The following ZMYM2 variants were observed in gnomAD, a reference collection of about 807,000 sequenced individuals.
The protein encoded by ZMYM2 is zinc finger MYM-type containing 2.
ZMYM2 carries 56 observed loss-of-function variants against 162.8 expected under a neutral mutation model. The observed-to-expected ratio is 0.34, with a 90% confidence interval of 0.28 to 0.43. ZMYM2 has a LOEUF of 0.43. Ranked by LOEUF, ZMYM2 falls within the 20% of genes least tolerant of loss-of-function variation. The probability of loss-of-function intolerance (pLI) is 1.00; values close to 1 mark genes in which losing one functional copy is unlikely to be tolerated. For synonymous variants in ZMYM2, 510 were observed against 541.6 expected (o/e 0.94, Z 0.81); for missense variants, 1,275 against 1,621.8 (o/e 0.79, Z 3.67).
chr13:20,006,232 TA>T (rs747053429), intron 5 of ZMYM2, 141 bp from the exon 6 acceptor site: 1,882 of 673,964 alleles, frequency 2.8e-3, no homozygotes, highest in East Asian at 0.021. Context: ...ACCCTGTCTT[TA>T]AAAAAAAAAA....
In ZMYM2 at chr13:19,993,220, C is replaced by A. The variant is rs770092326; in HGVS notation, c.148C>A (p.Gln50Lys). Residue 50 changes from glutamine (Q) to lysine (K), a missense_variant, in exon 3 of 25, where the codon CAG (glutamine) becomes AAG (lysine). Gln to Lys is a moderately conservative substitution (Grantham distance 53, BLOSUM62 1). Around this residue, in one of 10 missense-constraint regions of ZMYM2, gnomAD observed 295 missense variants for 286.7 expected, o/e 1.03. Transcript: ENST00000610343. ...TTTAGTGTCTAGATCTAATAAGTTT[C>A]AGAACTCGTCAGTGGAAGATGATGA... Reference protein sequence around the residue: ...NPLVSRSNKFQNSSVEDDDDV... With the variant: ...NPLVSRSNKFKNSSVEDDDDV... 14 of 1,613,822 alleles carry A rather than the reference C, an allele frequency of 8.7e-6. No individual in the cohort carries two copies. Among genetic ancestry groups the A allele is most frequent in the Admixed American group, 1.7e-5 (1 of 59,990 alleles).
At chr13:19,987,409 G>A (rs113654221) in intron 2 of ZMYM2, among the ~76,000 whole-genome samples, 56 of 151,926 alleles carry the variant, frequency 3.7e-4, no homozygotes, top group African/African-American at 1.3e-3. Flanking sequence ...GATTAAAGGC[G>A]CCTGTCACCA....
the ZMYM2 span, among the ~76,000 whole-genome samples, chr13:19,917,625 A>C: frequency 6.7e-6 from 1 of 150,224 alleles, no homozygotes. Flanking sequence ...GAAGTTAGTT[A>C]TCACAAAGTG....
chr13:20,004,295 C>T (rs1390793446), intron 4 of ZMYM2, among the ~76,000 whole-genome samples: 1 of 152,012 alleles, frequency 6.6e-6, no homozygotes, highest in Non-Finnish European at 1.5e-5. Flanking sequence ...CGCTCTGTCG[C>T]CCTGGCTGGA....
chr13:20,041,837 C>T (rs1954275742), intron 12 of ZMYM2, among the ~76,000 whole-genome samples: 1 of 151,006 alleles, frequency 6.6e-6, no homozygotes, highest in Admixed American at 6.6e-5. Flanking sequence ...TTCTGGTTGG[C>T]AGGTGGCACT....
At chr13:20,081,080 G>A (rs939325822) in intron 21 of ZMYM2, among the ~76,000 whole-genome samples, 3 of 152,112 alleles carry the variant, frequency 2.0e-5, no homozygotes. Flanking sequence ...TATCCTTCTG[G>A]TTGTTTTGTA....
At chr13:20,018,572 C>T (rs968249774) in intron 6 of ZMYM2, among the ~76,000 whole-genome samples, 1 of 152,194 alleles carries the variant, frequency 6.6e-6, no homozygotes, top group Non-Finnish European at 1.5e-5. Context: ...CACTTAGTTT[C>T]TGAAGTGTAT....
the ZMYM2 span, among the ~76,000 whole-genome samples, chr13:19,871,145 G>A: frequency 6.6e-6 from 1 of 152,156 alleles, no homozygotes; most frequent in Non-Finnish European, 1.5e-5. Context: ...TAGACATTAT[G>A]CTTGCCTATT....
chr13:20,035,492 A>G (rs1404000285), intron 11 of ZMYM2, among the ~76,000 whole-genome samples: 1 of 152,200 alleles, frequency 6.6e-6, no homozygotes, highest in East Asian at 1.9e-4. Flanking sequence ...TTGATTCTGA[A>G]TTAGTCTTTT....
In ZMYM2 at chr13:20,083,780, A is replaced by C; in HGVS notation, c.3941+4A>C. 1 of 1,600,364 alleles carries C rather than the reference A, an allele frequency of 6.2e-7. No homozygotes were observed. The highest frequency in any genetic ancestry group is 8.5e-7 in the Non-Finnish European group (1 of 1,173,280). On this transcript the variant is annotated splice_donor_region_variant and intron_variant, in intron 24 of 24. Transcript: ENST00000610343. ...TTGAATGCTACTTGTCTAAAAGGTG[A>C]GTGTTAATGATACTTAACTTTTAAA... is the stretch of plus-strand genomic sequence containing the variant.
chr13:19,928,807 A>C, the ZMYM2 span, among the ~76,000 whole-genome samples: 2 of 151,918 alleles, frequency 1.3e-5, no homozygotes, highest in African/African-American at 2.4e-5. Flanking sequence ...AAAAAAAAAA[A>C]AAACAAAAAC....
chr13:19,882,929 T>C, the ZMYM2 span, among the ~76,000 whole-genome samples: 1 of 152,182 alleles, frequency 6.6e-6, no homozygotes, highest in Non-Finnish European at 1.5e-5. Context: ...TGAAAACAGA[T>C]GTTCAAATAA....
chr13:19,943,710 TA>T, the ZMYM2 span, among the ~76,000 whole-genome samples: 1 of 152,176 alleles, frequency 6.6e-6, no homozygotes, highest in African/African-American at 2.4e-5. Context: ...CTATTTTAGG[TA>T]CGTGTACAAC....
chr13:20,023,482 T>C (rs1449528142), intron 7 of ZMYM2, among the ~76,000 whole-genome samples: 1 of 152,194 alleles, frequency 6.6e-6, no homozygotes, highest in Admixed American at 6.5e-5. Flanking sequence ...CACGTGAAAT[T>C]GGTTAAAATT....
At chr13:19,961,069 CTATGGCGTGTATTGAGCCCT>C (rs1284152369) in intron 2 of ZMYM2, among the ~76,000 whole-genome samples, 3 of 151,534 alleles carry the variant, frequency 2.0e-5, no homozygotes, top group African/African-American at 4.9e-5. Flanking sequence ...AGGGTAATAC[CTATGGCGTGTATTGAGCCCT>C]TATTGTATGC....
chr13:19,869,951 T>C, the ZMYM2 span, among the ~76,000 whole-genome samples: 4 of 152,180 alleles, frequency 2.6e-5, no homozygotes, highest in African/African-American at 9.6e-5. Flanking sequence ...GTGTCTGTTA[T>C]TGTAGGTCAA....
At chr13:19,987,573 G>A (rs981549557) in intron 2 of ZMYM2, among the ~76,000 whole-genome samples, 7 of 93,988 alleles carry the variant, frequency 7.4e-5, no homozygotes, top group African/African-American at 2.5e-4. Flanking sequence ...GCCCCGCTAC[G>A]TGTGTGTGTG....
At chr13:19,987,111 CA>C (rs58588019) in intron 2 of ZMYM2, among the ~76,000 whole-genome samples, 373 of 40,928 alleles carry the variant, frequency 9.1e-3, no homozygotes, top group African/African-American at 0.021. Flanking sequence ...GGCTCCGTCT[CA>C]AAAAAAAAAA....
At chr13:20,009,688 T>C (rs1396392737) in intron 6 of ZMYM2, among the ~76,000 whole-genome samples, 1 of 152,216 alleles carries the variant, frequency 6.6e-6, no homozygotes. Flanking sequence ...TTATTTTACC[T>C]GAAAGCTGAA....
Sources: gnomAD v4.1 joint callset for allele counts (sites outside exome capture counted in the v4.1 genomes callset) on GRCh38, gnomAD v4.1.1 for gene constraint, gnomAD v4.1.1 regional missense constraint, MANE v1.5 for transcripts, NCBI Gene and HGNC (gene_info 2026-07-23, HGNC 2026-07-21) for gene names.